Variants in COPB1 observed in about 807,000 individuals in gnomAD.
COPB1 encodes coat protein complex I subunit beta 1, also known as coatomer subunit beta.
Under a neutral mutation model 108.7 loss-of-function variants are expected in COPB1, and 21 were observed. That is an observed-to-expected ratio of 0.19 (90% CI 0.14 to 0.28). The LOEUF (loss-of-function observed/expected upper bound fraction) is 0.28, where lower values mean the gene tolerates loss of function less well. Among genes scored for constraint, COPB1 ranks in the 10% least tolerant of loss-of-function variants. COPB1 has a pLI of 1.00. For missense variants in COPB1, 919 were observed against 1,141.3 expected (o/e 0.81, Z 2.81); for synonymous variants, 378 against 386.8 (o/e 0.98, Z 0.27).
At chr11:14,467,301 T>C (rs1850305062) in intron 16 of COPB1, among the ~76,000 whole-genome samples, 1 of 152,082 alleles carries the variant, frequency 6.6e-6, no homozygotes, top group Admixed American at 6.5e-5. Context: ...TCATCATCAC[T>C]AATCATTAGG....
chr11:14,496,943 G>C (rs573909096), intron 2 of COPB1, among the ~76,000 whole-genome samples: 1 of 152,284 alleles, frequency 6.6e-6, no homozygotes, highest in African/African-American at 2.4e-5. Flanking sequence ...ACATACATTG[G>C]AGAAAAGACA....
chr11:14,485,341 A>AG (rs1287659007), intron 7 of COPB1, among the ~76,000 whole-genome samples: 1 of 151,914 alleles, frequency 6.6e-6, no homozygotes, highest in East Asian at 1.9e-4. Context: ...TAAAAAAAAA[A>AG]GGTTCTGTAC....
intron 15 of COPB1, 148 bp from the exon 16 acceptor site, chr11:14,469,008 C>T (rs1850346047): frequency 1.5e-5 from 11 of 709,814 alleles, no homozygotes; most frequent in South Asian, 1.5e-4. Context: ...TCTTTTTTTT[C>T]TTCCTGAGAC....
intron 4 of COPB1, 100 bp from the exon 5 acceptor site, chr11:14,490,779 CA>C (rs1850880651): frequency 1.6e-6 from 1 of 645,066 alleles, no homozygotes; most frequent in South Asian, 2.2e-5. Context: ...TCAAACTTTA[CA>C]ACATACTTTT....
chr11:14,495,648 G>A (rs142252554), intron 2 of COPB1, among the ~76,000 whole-genome samples: 175 of 152,292 alleles, frequency 1.1e-3, no homozygotes, highest in African/African-American at 3.9e-3. Flanking sequence ...ACAGGCATGA[G>A]CCACCATGCC....
chr11:14,483,152 C>A lies in COPB1; in HGVS notation c.838-1G>T. On this transcript the variant is annotated splice_acceptor_variant, in intron 7 of 21. Coordinates refer to ENST00000439561, the MANE Select transcript of COPB1 (RefSeq NM_001144061.2). LOFTEE classifies it high-confidence loss of function. ...AATCAATGTAACACTGAGCAGCAGC[C>A]TATATAAAAAAAGAAATACATTTTA... The A allele has an allele frequency of 1.3e-6, 2 of 1,526,408 alleles. No individual in the cohort carries two copies. Among genetic ancestry groups the A allele is most frequent in the South Asian group, 1.2e-5 (1 of 82,762 alleles). 94.6% of individuals were successfully genotyped at this position (1,526,408 alleles called of 1,614,324 possible).
rs368091555 is a variant in COPB1 at position 14,483,022 on chromosome 11, T to C, written c.957+10A>G. On this transcript the variant is annotated intron_variant, in intron 8 of 21. Transcript: ENST00000439561. ...TTATTTAGGATCTCTCTTTTTCAGA[T>C]AACACTTACCTGTAGTACTCGTTCA... 153 of 1,525,640 alleles carry C rather than the reference T, an allele frequency of 1.0e-4. No homozygotes were observed. The highest frequency in any genetic ancestry group is 8.8e-4 in the Middle Eastern group (5 of 5,668). 94.5% of individuals were successfully genotyped at this position (1,525,640 alleles called of 1,614,324 possible). A position where few individuals can be genotyped will look rare whatever the true frequency, so the allele number is the denominator to read the frequency against.
chr11:14,479,930 C>T (rs565873997), intron 10 of COPB1, among the ~76,000 whole-genome samples: 3 of 152,114 alleles, frequency 2.0e-5, no homozygotes, highest in East Asian at 3.9e-4. Flanking sequence ...CCTCAGCCTC[C>T]CCAGGAGCTA....
intron 18 of COPB1, among the ~76,000 whole-genome samples, chr11:14,462,993 C>T (rs1030603077): frequency 6.6e-6 from 1 of 152,164 alleles, no homozygotes; most frequent in Non-Finnish European, 1.5e-5. Context: ...TAGTCTTCAA[C>T]CCACCACTAA....
At chr11:14,486,783 C>T (rs1850785088) in intron 6 of COPB1, among the ~76,000 whole-genome samples, 1 of 151,828 alleles carries the variant, frequency 6.6e-6, no homozygotes, top group Admixed American at 6.6e-5. Flanking sequence ...TACAGCTGTG[C>T]ACTTATTTAT....
At chr11:14,468,168 TAAAC>T (rs1850323801) in intron 16 of COPB1, among the ~76,000 whole-genome samples, 2 of 152,198 alleles carry the variant, frequency 1.3e-5, no homozygotes, top group Admixed American at 6.5e-5. Context: ...GACCTTATCT[TAAAC>T]AAAAGTAATG....
In COPB1 at chr11:14,465,171, G is replaced by A. The variant is rs917786852; in HGVS notation, c.2291-141C>T. ...TTTCTAGGAAAATAAGGAATATGAC[G>A]AATATGAGAAGAGTATGAATCAAAT... is the stretch of plus-strand genomic sequence containing the variant. On this transcript the variant is annotated intron_variant, in intron 17 of 21. Transcript: ENST00000439561. The A allele has an allele frequency of 5.2e-6, 6 of 1,151,072 alleles. No individual in the cohort carries two copies. The African/African-American group carries it at 7.6e-5, about 15-fold the overall frequency. The allele number at this position is 1,151,072 out of a possible 1,614,324, so 71.3% of individuals were successfully genotyped here.
intron 17 of COPB1, among the ~76,000 whole-genome samples, 177 bp from the exon 18 acceptor site, chr11:14,465,207 C>T (rs1850260288): frequency 6.6e-6 from 1 of 151,782 alleles, no homozygotes; most frequent in South Asian, 2.1e-4. Flanking sequence ...ATAATGAGGA[C>T]AAAATAAAGA....
chr11:14,479,586 A>G lies in COPB1; in HGVS notation c.1341T>C (p.His447=), dbSNP rs1321255914. 3.1e-6 allele frequency: 5 copies of G among 1,609,660 alleles called. No homozygotes were observed. Among genetic ancestry groups the G allele is most frequent in the Non-Finnish European group, 4.2e-6 (5 of 1,178,636 alleles). Residue 447 remains histidine (H), a synonymous_variant, in exon 11 of 22, where the codon CAT becomes CAC. Coordinates refer to ENST00000439561, the MANE Select transcript of COPB1 (RefSeq NM_001144061.2). The part of the protein sequence containing the change: ...LIVEKMLEVF[H]AIKSVKIYRG... ...AAACCTACTTGACAGATTTAATAGC[A>G]TGAAAGACTTCAAGCATCTTCTCAA...
rs1014507169 is a variant in COPB1, at chr11:14,486,403, T to C, written c.801A>G (p.Thr267=). 1.2e-6 allele frequency: 2 copies of C among 1,614,178 alleles called. No individual in the cohort carries two copies. The highest frequency in any genetic ancestry group is 8.5e-7 in the Non-Finnish European group (1 of 1,180,024). ...SPAVKYEAAG[T]LVTLSSAPTA... ...TTGGTGCACTAGAGAGTGTCACTAA[T>C]GTCCCAGCAGCTTCATATTTTACAG... Residue 267 remains threonine, a synonymous_variant, in exon 7 of 22, where the codon ACA becomes ACG. Coordinates refer to ENST00000439561, the MANE Select transcript of COPB1 (RefSeq NM_001144061.2).
rs1850078055 is a variant in COPB1, at chr11:14,458,628, A to C, written c.2706T>G (p.Gly902=). The part of the protein sequence containing the change: ...AANLYARSIF[G]EDALANVSIE... Reference sequence around the variant, plus strand: ...TGCTGACATTTGCAAGTGCATCTTCACCAAATATGGAACGAGCATAAAGGT... The same window carrying C: ...TGCTGACATTTGCAAGTGCATCTTCCCCAAATATGGAACGAGCATAAAGGT... The change falls in exon 21 of 22, where the codon GGT becomes GGG. Residue 902 remains glycine (G), a synonymous_variant. Transcript: ENST00000439561. 1.9e-6 allele frequency: 3 copies of C among 1,613,854 alleles called. No homozygotes were observed. In the African/African-American group the frequency reaches 4.0e-5, roughly 22 times the overall value.
intron 14 of COPB1, among the ~76,000 whole-genome samples, chr11:14,471,918 G>A (rs1260241193): frequency 1.3e-5 from 2 of 152,034 alleles, no homozygotes; most frequent in African/African-American, 2.4e-5. Flanking sequence ...GTGAGACTCC[G>A]TCTAAAAAAA....
intron 7 of COPB1, among the ~76,000 whole-genome samples, chr11:14,483,518 A>G (rs1303633430): frequency 6.6e-6 from 1 of 152,214 alleles, no homozygotes; most frequent in South Asian, 2.1e-4. Flanking sequence ...ACATCGATTA[A>G]GCATATTTCA....
At chr11:14,497,624 C>T (rs1365602752) in intron 2 of COPB1, among the ~76,000 whole-genome samples, 1 of 152,162 alleles carries the variant, frequency 6.6e-6, no homozygotes. Context: ...CTATGGAGAA[C>T]AGTTTGGAGG....
Sources: allele counts gnomAD v4.1 joint callset (sites outside exome capture counted in the v4.1 genomes callset), GRCh38; gene constraint gnomAD v4.1.1; transcripts MANE v1.5; gene names NCBI Gene and HGNC (gene_info 2026-07-23, HGNC 2026-07-21).